The following TMPO variants were observed in gnomAD, a reference collection of about 807,000 sequenced individuals.
The protein encoded by TMPO is thymopoietin, also known as LEM domain containing 4.
TMPO carries 22 observed loss-of-function variants against 45.4 expected under a neutral mutation model. The ratio of observed to expected loss-of-function variants is 0.48; its 90% CI spans 0.35 to 0.69. The LOEUF is 0.69. Among genes scored for constraint, TMPO ranks in the 30% least tolerant of loss-of-function variants. TMPO has a pLI of 0.01. For synonymous variants in TMPO, 241 were observed against 204.1 expected (o/e 1.18, Z -1.54); for missense variants, 512 against 548.8 (o/e 0.93, Z 0.67).
At chr12:98,527,664 G>A (rs1008900401) in intron 1 of TMPO, 32 of 515,756 alleles carry the variant, frequency 6.2e-5, no homozygotes, top group Admixed American at 3.0e-4. Context: ...TAACAACAAT[G>A]TCTTTAAGTT....
chr12:98,538,313 A>G (rs747525545), intron 4 of TMPO, among the ~76,000 whole-genome samples: 12 of 152,066 alleles, frequency 7.9e-5, no homozygotes, highest in Non-Finnish European at 5.9e-5. Flanking sequence ...TAGCTGGATG[A>G]TTTGTCTAGT....
chr12:98,532,673 T>C (rs1877278201), intron 3 of TMPO: 1 of 1,045,748 alleles, frequency 9.6e-7, no homozygotes, highest in African/African-American at 1.6e-5. Flanking sequence ...TCAATAAGCT[T>C]TGTCTACCAG....
chr12:98,534,448 A>C (rs1192576596), intron 3 of TMPO: 2 of 1,571,506 alleles, frequency 1.3e-6, no homozygotes, highest in South Asian at 2.3e-5. Flanking sequence ...CTAATTACAA[A>C]ATGTTAAGCT....
chr12:98,527,994 A>T lies in TMPO; in HGVS notation c.388A>T (p.Asn130Tyr). 1 of 1,613,962 alleles carries T rather than the reference A, an allele frequency of 6.2e-7. No individual in the cohort carries two copies. The highest frequency in any genetic ancestry group is 8.5e-7 in the Non-Finnish European group (1 of 1,179,928). The change falls in exon 2 of 9, where the codon AAT becomes TAT. Residue 130 changes from asparagine (N) to tyrosine (Y), a missense_variant. Physicochemically the swap from Asn to Tyr is moderately radical, Grantham distance 143. Around this residue, in one of 3 missense-constraint regions of TMPO, gnomAD observed 299 missense variants for 296.7 expected, o/e 1.01. Coordinates refer to ENST00000556029, the MANE Select transcript of TMPO (RefSeq NM_001032283.3). ...GGATCAGCTTGTGAAATACGGAGTG[A>T]ATCCTGGTCCTATTGTGGGTAAGTT... ...LLDQLVKYGV[N>Y]PGPIVGTTRK...
rs1329833599 is a variant in TMPO, at chr12:98,515,628, T to TG, written c.-236dup. Reference sequence around the variant, plus strand: ...CGCCTCCTGCCTGTAGTGTGTGGGCTGGGGTTGGTGCGAGCTTCCAGCTTG... The same window carrying TG: ...CGCCTCCTGCCTGTAGTGTGTGGGCTGGGGGTTGGTGCGAGCTTCCAGCTTG... On this transcript the variant is annotated 5_prime_UTR_variant, in exon 1 of 9. Transcript: ENST00000556029. 1.4e-6 allele frequency: 1 copy of TG among 697,988 alleles called. No individual in the cohort carries two copies. The highest frequency in any genetic ancestry group is 1.8e-5 in the African/African-American group (1 of 55,574). The allele number at this position is 697,988 out of a possible 1,614,324, so 43.2% of individuals were successfully genotyped here.
At chr12:98,523,076 A>G (rs1480022705) in intron 1 of TMPO, among the ~76,000 whole-genome samples, 1 of 152,182 alleles carries the variant, frequency 6.6e-6, no homozygotes, top group African/African-American at 2.4e-5. Flanking sequence ...TGAAACTCTT[A>G]AGTGATCTAC....
At position 98,549,423 on chromosome 12, in the gene TMPO, A is replaced by G. The variant is rs3177180; in HGVS notation, c.*1565A>G. 1 of 152,064 alleles carries G rather than the reference A, an allele frequency of 6.6e-6. No individual in the cohort carries two copies. Among genetic ancestry groups the G allele is most frequent in the African/African-American group, 2.4e-5 (1 of 41,418 alleles). The allele number at this position is 152,064 out of a possible 1,614,324, so 9.4% of individuals were successfully genotyped here. On this transcript the variant is annotated 3_prime_UTR_variant, in exon 9 of 9. Coordinates refer to ENST00000556029, the MANE Select transcript of TMPO (RefSeq NM_001032283.3). Reference sequence around the variant, plus strand: ...GTGATCAGCCCACCTCAGCTTCCCAAAGTGCTGGGATTACAGGTGTGATCC... The same window carrying G: ...GTGATCAGCCCACCTCAGCTTCCCAGAGTGCTGGGATTACAGGTGTGATCC...
At chr12:98,522,466 T>C (rs1160315977) in intron 1 of TMPO, among the ~76,000 whole-genome samples, 2 of 152,248 alleles carry the variant, frequency 1.3e-5, no homozygotes, top group African/African-American at 4.8e-5. Context: ...GAGTTATAGA[T>C]TCAAATTCCA....
chr12:98,527,525 T>TA (rs145065353), intron 1 of TMPO: 45,859 of 158,998 alleles, frequency 0.29, 6,206 homozygotes, highest in Non-Finnish European at 0.34. Context: ...CCTGTATCAT[T>TA]AAAAAAAAAA....
At chr12:98,535,269 CAAATT>C (rs1877499967) in intron 3 of TMPO, 4 of 982,104 alleles carry the variant, frequency 4.1e-6, no homozygotes, top group South Asian at 4.7e-5. Context: ...ACTCTAAAAG[CAAATT>C]AAATTTTTTT....
rs780889526 is a variant in TMPO at position 98,533,157 on chromosome 12, C to T, written c.565+1319C>T. ...CTTCGTCATCTTCTCAGCCTGAACACAGTGCCATGTTGGTCTCTACTGCAG... is the reference window on the plus strand; with the variant it reads ...CTTCGTCATCTTCTCAGCCTGAACATAGTGCCATGTTGGTCTCTACTGCAG... On this transcript the variant is annotated intron_variant, in intron 3 of 8. Coordinates refer to ENST00000556029, the MANE Select transcript of TMPO (RefSeq NM_001032283.3). 3.7e-6 allele frequency: 6 copies of T among 1,614,134 alleles called. No homozygotes were observed. The highest frequency in any genetic ancestry group is 2.2e-5 in the East Asian group (1 of 44,884).
At chr12:98,518,706 A>G (rs1876091684) in intron 1 of TMPO, among the ~76,000 whole-genome samples, 1 of 151,452 alleles carries the variant, frequency 6.6e-6, no homozygotes, top group Admixed American at 6.6e-5. Context: ...GAAGACCTAA[A>G]TGTAAAAATT....
At chr12:98,523,025 G>A (rs563319932) in intron 1 of TMPO, among the ~76,000 whole-genome samples, 5 of 152,268 alleles carry the variant, frequency 3.3e-5, no homozygotes, top group Admixed American at 1.3e-4. Context: ...TGAAAAATAC[G>A]TTAGAGATCA....
intron 3 of TMPO, chr12:98,534,976 A>C: frequency 1.0e-5 from 9 of 877,254 alleles, no homozygotes; most frequent in Non-Finnish European, 1.2e-5. Flanking sequence ...TTTTAGGTCA[A>C]TGACAGGATT....
intron 1 of TMPO, among the ~76,000 whole-genome samples, chr12:98,526,355 C>A (rs1392397969): frequency 6.6e-6 from 1 of 152,160 alleles, no homozygotes; most frequent in East Asian, 1.9e-4. Context: ...CCATGGATAT[C>A]AAACTCTGGG....
chr12:98,515,937 A>C lies in TMPO; in HGVS notation c.70A>C (p.Asn24His), dbSNP rs727505279. 6.2e-6 allele frequency: 10 copies of C among 1,613,636 alleles called. No homozygotes were observed. The African/African-American group carries it at 1.1e-4, about 17-fold the overall frequency. Residue 24 changes from asparagine (N) to histidine (H), a missense_variant, in exon 1 of 9, where the codon AAT becomes CAT. Asn to His is a moderately conservative substitution (Grantham distance 68). Around this residue, in one of 3 missense-constraint regions of TMPO, gnomAD observed 299 missense variants for 296.7 expected, o/e 1.01. Coordinates refer to ENST00000556029, the MANE Select transcript of TMPO (RefSeq NM_001032283.3). ...GTTGAAGAGTGAGTTGGTCGCCAAC[A>C]ATGTGACGCTGCCGGCCGGGGAGCA... ...DKLKSELVAN[N>H]VTLPAGEQRK...
At chr12:98,545,833 A>G (rs1367711166) in intron 7 of TMPO, among the ~76,000 whole-genome samples, 1 of 152,058 alleles carries the variant, frequency 6.6e-6, no homozygotes, top group African/African-American at 2.4e-5. Context: ...CCTGGGTTCA[A>G]GCGATTCTCC....
chr12:98,522,006 A>T (rs538521844), intron 1 of TMPO, among the ~76,000 whole-genome samples: 1 of 152,020 alleles, frequency 6.6e-6, no homozygotes, highest in Non-Finnish European at 1.5e-5. Flanking sequence ...CTGGGATTAC[A>T]GGCGTGAGCC....
At chr12:98,547,549 T>A in intron 8 of TMPO, 24 bp from the exon 9 acceptor site, 1 of 1,613,946 alleles carries the variant, frequency 6.2e-7, no homozygotes, top group Non-Finnish European at 8.5e-7. Flanking sequence ...ATTATTTTTC[T>A]TTTCCTCCTT....
Sources: gnomAD v4.1 joint callset for allele counts (sites outside exome capture counted in the v4.1 genomes callset) on GRCh38, gnomAD v4.1.1 for gene constraint, gnomAD v4.1.1 regional missense constraint, MANE v1.5 for transcripts, NCBI Gene and HGNC (gene_info 2026-07-23, HGNC 2026-07-21) for gene names.